Variants in SREK1IP1 observed in about 807,000 individuals in gnomAD.
SREK1IP1 encodes SREK1 interacting protein 1.
A neutral mutation model predicts 22.8 loss-of-function variants in SREK1IP1; 12 were observed. The observed-to-expected ratio is 0.53, with a 90% CI of 0.34 to 0.85. The LOEUF (loss-of-function observed/expected upper bound fraction) is 0.85, where lower values mean the gene tolerates loss of function less well. SREK1IP1 is among the 40% of genes least tolerant of loss of function. The pLI is 0.02. For synonymous variants in SREK1IP1, 53 were observed against 52.7 expected (o/e 1.01, Z -0.02); for missense variants, 147 against 171.8 (o/e 0.86, Z 0.81).
At position 64,768,564 on chromosome 5, in the gene SREK1IP1, G is replaced by T. The variant is rs771271772; in HGVS notation, c.-47C>A. On this transcript the variant is annotated 5_prime_UTR_variant, in exon 1 of 5. Coordinates refer to ENST00000513458, the MANE Select transcript of SREK1IP1 (RefSeq NM_173829.4). ...TCGAGCCTCTGGCTTTCGAAAAGGC[G>T]CTTGCTTCCCGCCAGCTGTGAGAAC... 5 of 1,613,738 alleles carry T rather than the reference G, an allele frequency of 3.1e-6. No individual in the cohort carries two copies. The Admixed American group carries it at 6.7e-5, about 22-fold the overall frequency.
At chr5:64,733,817 C>T (rs957535776) in intron 3 of SREK1IP1, among the ~76,000 whole-genome samples, 7 of 151,900 alleles carry the variant, frequency 4.6e-5, no homozygotes, top group African/African-American at 1.2e-4. Flanking sequence ...TAAAAAATAA[C>T]GAATTAGTCA....
chr5:64,754,163 C>T, intron 2 of SREK1IP1, 152 bp downstream of exon 2: 2 of 661,460 alleles, frequency 3.0e-6, no homozygotes, highest in Non-Finnish European at 5.2e-6. Flanking sequence ...ATATTTAGTG[C>T]TAACAGAGGA....
chr5:64,741,806 C>G (rs551401193), intron 2 of SREK1IP1, among the ~76,000 whole-genome samples: 1 of 149,502 alleles, frequency 6.7e-6, no homozygotes, highest in South Asian at 2.1e-4. Flanking sequence ...ATTACAAACA[C>G]TATAAAAGTA....
At chr5:64,745,167 T>G (rs1416950916) in intron 2 of SREK1IP1, among the ~76,000 whole-genome samples, 2 of 152,222 alleles carry the variant, frequency 1.3e-5, no homozygotes, top group African/African-American at 4.8e-5. Context: ...CCTTTCATTC[T>G]TTTGAGTTGG....
chr5:64,751,915 A>G (rs1315885086), intron 2 of SREK1IP1, among the ~76,000 whole-genome samples: 2 of 152,150 alleles, frequency 1.3e-5, no homozygotes, highest in East Asian at 1.9e-4. Context: ...AGGTATTTAC[A>G]TATTTGTTTT....
At position 64,724,312 on chromosome 5, in the gene SREK1IP1, C is replaced by T; in HGVS notation, c.*72G>A. ...ATTTATTGCAAAGCATAATATATAG[C>T]AAATTCCAAGGAAGGGCAAACACGT... On this transcript the variant is annotated 3_prime_UTR_variant, in exon 5 of 5. Coordinates refer to ENST00000513458, the MANE Select transcript of SREK1IP1 (RefSeq NM_173829.4). The T allele has an allele frequency of 7.4e-7, 1 of 1,350,112 alleles. No individual in the cohort carries two copies. Among genetic ancestry groups the T allele is most frequent in the Admixed American group, 2.4e-5 (1 of 41,706 alleles). The allele number at this position is 1,350,112 out of a possible 1,614,324, so 83.6% of individuals were successfully genotyped here. A position where few individuals can be genotyped will look rare whatever the true frequency, so the allele number is the denominator to read the frequency against.
At chr5:64,759,248 T>C (rs1379562371) in intron 1 of SREK1IP1, among the ~76,000 whole-genome samples, 1 of 152,186 alleles carries the variant, frequency 6.6e-6, no homozygotes, top group Admixed American at 6.5e-5. Flanking sequence ...TTAAGTTAAC[T>C]AGTCAGTTTC....
chr5:64,749,791 C>A (rs2112104146), intron 2 of SREK1IP1, among the ~76,000 whole-genome samples: 2 of 152,216 alleles, frequency 1.3e-5, no homozygotes, highest in South Asian at 4.2e-4. Flanking sequence ...TCCCCACTGA[C>A]CTAGCTGATC....
intron 4 of SREK1IP1, chr5:64,727,656 C>G (rs934247159): frequency 6.6e-6 from 1 of 150,782 alleles, no homozygotes; most frequent in African/African-American, 2.5e-5. Flanking sequence ...GCAATCCTCT[C>G]ACCTCAGCCT....
At chr5:64,734,525 T>G (rs2610243) in intron 3 of SREK1IP1, among the ~76,000 whole-genome samples, 95,393 of 151,526 alleles carry the variant, frequency 0.63, 32,049 homozygotes, top group African/African-American at 0.88. Context: ...GGGGAGAAGT[T>G]ACATTTCTTT....
At chr5:64,736,646 A>G (rs980715772) in intron 3 of SREK1IP1, among the ~76,000 whole-genome samples, 1 of 151,896 alleles carries the variant, frequency 6.6e-6, no homozygotes, top group African/African-American at 2.4e-5. Context: ...TATTTTTAGT[A>G]GAGATGGGGT....
chr5:64,750,028 C>T (rs976553734), intron 2 of SREK1IP1, among the ~76,000 whole-genome samples: 25 of 152,168 alleles, frequency 1.6e-4, no homozygotes, highest in Non-Finnish European at 3.2e-4. Context: ...TGCAGGTTAA[C>T]AGCCCCATTC....
Position 64,768,619 on chromosome 5 carries a change from C to A in SREK1IP1, c.-102G>T, listed in dbSNP as rs868442491. Reference sequence around the variant, plus strand: ...CACAGTCAAAGCGGCGTTTTCCTTCCCCCAGCGCAGCAGCACCCTCGCTAC... The same window carrying A: ...CACAGTCAAAGCGGCGTTTTCCTTCACCCAGCGCAGCAGCACCCTCGCTAC... On this transcript the variant is annotated 5_prime_UTR_variant, in exon 1 of 5. Coordinates refer to ENST00000513458, the MANE Select transcript of SREK1IP1 (RefSeq NM_173829.4). The A allele has an allele frequency of 7.0e-6, 11 of 1,562,676 alleles. No individual in the cohort carries two copies. The highest frequency in any genetic ancestry group is 1.8e-4 in the Middle Eastern group (1 of 5,590).
rs1230319616 is a variant in SREK1IP1, at chr5:64,768,546, T to C, written c.-29A>G. The C allele has an allele frequency of 2.5e-6, 4 of 1,614,090 alleles. No homozygotes were observed. Among genetic ancestry groups the C allele is most frequent in the Non-Finnish European group, 3.4e-6 (4 of 1,180,002 alleles). ...GGTGGTAAGAGGGGTAACTCGAGCC[T>C]CTGGCTTTCGAAAAGGCGCTTGCTT... On this transcript the variant is annotated 5_prime_UTR_variant, in exon 1 of 5. Transcript: ENST00000513458.
At position 64,741,045 on chromosome 5, in the gene SREK1IP1, A is replaced by T. The variant is rs373778295; in HGVS notation, c.205+12T>A. ...CAAACATTTCTAAAGAATGGAAAAA[A>T]ATATTGCTTACTTTTTTCCTGTAAT... On this transcript the variant is annotated intron_variant, in intron 3 of 4. Transcript: ENST00000513458. 2.5e-6 allele frequency: 4 copies of T among 1,606,862 alleles called. No homozygotes were observed. The highest frequency in any genetic ancestry group is 3.4e-6 in the Non-Finnish European group (4 of 1,176,752).
At chr5:64,751,823 A>G (rs1381983907) in intron 2 of SREK1IP1, among the ~76,000 whole-genome samples, 1 of 152,250 alleles carries the variant, frequency 6.6e-6, no homozygotes, top group Non-Finnish European at 1.5e-5. Flanking sequence ...TGTGGTTTAC[A>G]CACACAAGAC....
intron 2 of SREK1IP1, among the ~76,000 whole-genome samples, 184 bp downstream of exon 2, chr5:64,754,131 C>A (rs1282048683): frequency 6.6e-6 from 1 of 152,130 alleles, no homozygotes; most frequent in Non-Finnish European, 1.5e-5. Context: ...GTTACTGGGT[C>A]TAAAGCAGGG....
In SREK1IP1 at chr5:64,719,514, GA is replaced by G. The variant is rs1742120448; in HGVS notation, c.*4869del. ...ACAACTTTGATTTTAAAGTATCCCAGAAAATTTGCTATCTTTACAGTAATTT... is the reference window on the plus strand; with the variant it reads ...ACAACTTTGATTTTAAAGTATCCCAGAAATTTGCTATCTTTACAGTAATTT... On this transcript the variant is annotated 3_prime_UTR_variant, in exon 5 of 5. Transcript: ENST00000513458. The G allele has an allele frequency of 6.6e-6, 1 of 152,122 alleles. No individual in the cohort carries two copies. The allele number at this position is 152,122 out of a possible 1,614,324, so 9.4% of individuals were successfully genotyped here. A position where few individuals can be genotyped will look rare whatever the true frequency, so the allele number is the denominator to read the frequency against.
At chr5:64,746,214 T>C (rs1009252134) in intron 2 of SREK1IP1, among the ~76,000 whole-genome samples, 31 of 152,032 alleles carry the variant, frequency 2.0e-4, no homozygotes, top group Non-Finnish European at 3.2e-4. Context: ...TATGTAAAAA[T>C]TAACTAAAAA....
Sources: gnomAD v4.1 joint callset for allele counts (sites outside exome capture counted in the v4.1 genomes callset) on GRCh38, gnomAD v4.1.1 for gene constraint, MANE v1.5 for transcripts, NCBI Gene and HGNC (gene_info 2026-07-23, HGNC 2026-07-21) for gene names.